UVRAG: variants seen among roughly 807,000 people sequenced by gnomAD.
The protein encoded by UVRAG is UV radiation resistance associated.
In UVRAG, 19 loss-of-function variants were observed where a neutral mutation model predicts 78.0. The ratio of observed to expected loss-of-function variants is 0.24; its 90% confidence interval spans 0.17 to 0.36. The LOEUF (loss-of-function observed/expected upper bound fraction) is 0.36. UVRAG is among the 10% of genes least tolerant of loss of function. The probability of loss-of-function intolerance (pLI) is 1.00; values close to 1 mark genes in which losing one functional copy is unlikely to be tolerated. For synonymous variants in UVRAG, 323 were observed against 324.6 expected (o/e 1.00, Z 0.05); for missense variants, 740 against 853.8 (o/e 0.87, Z 1.66).
intron 8 of UVRAG, among the ~76,000 whole-genome samples, chr11:76,000,866 T>G (rs934745389): frequency 1.3e-5 from 2 of 152,220 alleles, no homozygotes; most frequent in South Asian, 4.1e-4. Flanking sequence ...TTAATACAGA[T>G]AAAGCAAAAA....
intron 11 of UVRAG, 64 bp from the exon 12 acceptor site, chr11:76,016,748 TTTA>T (rs1950152486): frequency 2.3e-6 from 3 of 1,303,080 alleles, no homozygotes; most frequent in South Asian, 4.4e-5. Context: ...TTGAAAATTA[TTTA>T]TTATCTTATG....
chr11:76,111,528 T>C (rs543531105), intron 13 of UVRAG, among the ~76,000 whole-genome samples: 274 of 152,288 alleles, frequency 1.8e-3, no homozygotes, highest in Middle Eastern at 0.014. Flanking sequence ...CTGCTTGATA[T>C]ACTGGGAACA....
intron 12 of UVRAG, among the ~76,000 whole-genome samples, chr11:76,038,042 A>G (rs1950570894): frequency 6.6e-6 from 1 of 152,212 alleles, no homozygotes; most frequent in African/African-American, 2.4e-5. Context: ...TTAATTAGAA[A>G]ATTAAAGGCA....
chr11:76,100,859 ATTTGG>A (rs1951867958), intron 13 of UVRAG, among the ~76,000 whole-genome samples: 1 of 152,028 alleles, frequency 6.6e-6, no homozygotes, highest in African/African-American at 2.4e-5. Context: ...AACATGTGGT[ATTTGG>A]TTTTCTCATC....
intron 13 of UVRAG, among the ~76,000 whole-genome samples, chr11:76,096,650 C>T (rs958142349): frequency 6.6e-5 from 10 of 152,124 alleles, no homozygotes; most frequent in African/African-American, 1.7e-4. Flanking sequence ...CCGTAAAACC[C>T]GAATGCCTTT....
rs113297118 is a variant in UVRAG at position 76,141,053 on chromosome 11, C to A, written c.1740C>A (p.His580Gln). The change falls in exon 15 of 15, where the codon CAC becomes CAA. Residue 580 changes from histidine (H) to glutamine (Q), a missense_variant. His to Gln is a conservative substitution (Grantham distance 24, BLOSUM62 0). Transcript: ENST00000356136. ...TAAACGGAGGCCACGCGAATGTGCA[C>A]CCTAGCCAAGAACAAGGAGAAGCCC... ...GSLNGGHANV[H>Q]PSQEQGEALS... 5.1e-5 allele frequency: 82 copies of A among 1,614,146 alleles called. No individual in the cohort carries two copies. The Middle Eastern group carries it at 8.2e-4, about 16-fold the overall frequency.
At chr11:75,941,296 A>AG (rs1948478605) in intron 6 of UVRAG, among the ~76,000 whole-genome samples, 2 of 152,056 alleles carry the variant, frequency 1.3e-5, no homozygotes, top group Non-Finnish European at 2.9e-5. Context: ...CTACTTCTCC[A>AG]TATCTTTATT....
chr11:76,066,662 C>T (rs558211500), intron 13 of UVRAG, among the ~76,000 whole-genome samples: 24 of 152,076 alleles, frequency 1.6e-4, no homozygotes, highest in East Asian at 3.9e-4. Flanking sequence ...TTAGTAGAGA[C>T]GGGGTTTCAC....
At chr11:75,984,198 A>T (rs1185132723) in intron 8 of UVRAG, among the ~76,000 whole-genome samples, 4 of 152,234 alleles carry the variant, frequency 2.6e-5, no homozygotes, top group Non-Finnish European at 2.9e-5. Context: ...CTAGGCAGTG[A>T]CAGTGAGCTG....
intron 6 of UVRAG, among the ~76,000 whole-genome samples, chr11:75,925,623 A>T (rs1374963817): frequency 1.3e-5 from 2 of 152,220 alleles, no homozygotes; most frequent in Admixed American, 1.3e-4. Context: ...AATAATTTCT[A>T]AATATGTTGT....
At chr11:75,909,859 T>TTGTG (rs746014983) in intron 5 of UVRAG, among the ~76,000 whole-genome samples, 2 of 152,108 alleles carry the variant, frequency 1.3e-5, no homozygotes, top group African/African-American at 4.8e-5. Flanking sequence ...ATAATTTCCT[T>TTGTG]TGTGTGTGTG....
intron 6 of UVRAG, among the ~76,000 whole-genome samples, chr11:75,948,876 T>G (rs2135158652): frequency 6.6e-6 from 1 of 152,154 alleles, no homozygotes; most frequent in Middle Eastern, 3.4e-3. Flanking sequence ...AAATTGTAAG[T>G]TTATGGATTG....
intron 1 of UVRAG, among the ~76,000 whole-genome samples, chr11:75,820,339 TA>T (rs1328692060): frequency 6.7e-6 from 1 of 149,730 alleles, no homozygotes; most frequent in East Asian, 2.0e-4. Context: ...ATATACTCTA[TA>T]CCTAGTTTCA....
At chr11:76,025,209 T>C (rs1950307244) in intron 12 of UVRAG, among the ~76,000 whole-genome samples, 1 of 152,206 alleles carries the variant, frequency 6.6e-6, no homozygotes, top group African/African-American at 2.4e-5. Context: ...ACATGAGGAA[T>C]GTAACCAGAG....
intron 6 of UVRAG, among the ~76,000 whole-genome samples, chr11:75,925,821 T>A (rs1948087464): frequency 6.6e-6 from 1 of 152,222 alleles, no homozygotes; most frequent in Non-Finnish European, 1.5e-5. Flanking sequence ...ATAGCCACAC[T>A]ACTATTGCAA....
At chr11:76,018,778 T>C (rs757668951) in intron 12 of UVRAG, among the ~76,000 whole-genome samples, 39 of 152,220 alleles carry the variant, frequency 2.6e-4, no homozygotes, top group Non-Finnish European at 5.1e-4. Flanking sequence ...CTTCTCTTTA[T>C]ACTTGACCTT....
At chr11:76,092,380 A>G (rs1211688604) in intron 13 of UVRAG, among the ~76,000 whole-genome samples, 2 of 152,298 alleles carry the variant, frequency 1.3e-5, no homozygotes, top group South Asian at 2.1e-4. Flanking sequence ...GTCAAATGGT[A>G]TTTCTAGTTC....
chr11:76,074,048 A>T (rs1951362877), intron 13 of UVRAG, among the ~76,000 whole-genome samples: 1 of 152,210 alleles, frequency 6.6e-6, no homozygotes. Flanking sequence ...CTTATTTTTC[A>T]TTAAAAATAT....
At chr11:76,102,292 C>T (rs1565161833) in intron 13 of UVRAG, among the ~76,000 whole-genome samples, 1 of 152,054 alleles carries the variant, frequency 6.6e-6, no homozygotes, top group Non-Finnish European at 1.5e-5. Flanking sequence ...GATCTTTGAC[C>T]TGCTTGGTTA....
Sources: allele counts gnomAD v4.1 joint callset (sites outside exome capture counted in the v4.1 genomes callset), GRCh38; gene constraint gnomAD v4.1.1; transcripts MANE v1.5; gene names NCBI Gene and HGNC (gene_info 2026-07-23, HGNC 2026-07-21).